Variants in EPB41L2 observed in about 807,000 individuals in gnomAD.
EPB41L2 encodes erythrocyte membrane protein band 4.1 like 2.
Under a neutral mutation model 113.0 loss-of-function variants are expected in EPB41L2, and 43 were observed. The observed-to-expected ratio is 0.38, with a 90% CI of 0.30 to 0.49. The LOEUF is 0.49. EPB41L2 is among the 20% of genes least tolerant of loss of function. The pLI is 0.95. For missense variants in EPB41L2, 1,147 were observed against 1,223.4 expected, an observed-to-expected ratio of 0.94 and a Z score of 0.93; for synonymous variants, 442 against 436.7, an observed-to-expected ratio of 1.01 and a Z score of -0.15.
At chr6:130,892,612 G>A (rs1303694098) in intron 10 of EPB41L2, among the ~76,000 whole-genome samples, 1 of 151,422 alleles carries the variant, frequency 6.6e-6, no homozygotes, top group Non-Finnish European at 1.5e-5. Context: ...CATATTTTAT[G>A]AGTTATATTT....
intron 4 of EPB41L2, among the ~76,000 whole-genome samples, chr6:130,921,859 T>C (rs1341913218): frequency 6.6e-6 from 1 of 152,226 alleles, no homozygotes; most frequent in Non-Finnish European, 1.5e-5. Context: ...GAAAGCTATA[T>C]ACTTGAAAAT....
intron 7 of EPB41L2, 77 bp from the exon 8 acceptor site, chr6:130,899,655 G>C: frequency 7.3e-7 from 1 of 1,376,884 alleles, no homozygotes. Context: ...GAGTGTCTGT[G>C]CTCAGAGGGT....
intron 16 of EPB41L2, 93 bp downstream of exon 16, chr6:130,867,366 C>A: frequency 6.6e-7 from 1 of 1,509,700 alleles, no homozygotes; most frequent in Admixed American, 2.2e-5. Flanking sequence ...ACATCAAAGC[C>A]AGAAACATGT....
Position 130,885,145 on chromosome 6 carries a change from T to A in EPB41L2, c.1784A>T (p.Glu595Val). The change falls in exon 12 of 20, where the codon GAA (glutamate) becomes GTA (valine). Residue 595 changes from glutamate to valine, a missense_variant. By Grantham distance (121) the Glu-to-Val change is moderately radical. Coordinates refer to ENST00000337057, the MANE Select transcript of EPB41L2 (RefSeq NM_001431.4). ...TGGGGCTTTAGTTGGGCTTCTCACT[T>A]CCCTCCTGCCGTCCCCATCTTGTAC... ...AVVQDGDGRREVRSPTKAPHL... is the reference protein window; with the variant it reads ...AVVQDGDGRRVVRSPTKAPHL... 6.2e-7 allele frequency: 1 copy of A among 1,614,108 alleles called. No homozygotes were observed. The highest frequency in any genetic ancestry group is 8.5e-7 in the Non-Finnish European group (1 of 1,179,996).
intron 19 of EPB41L2, among the ~76,000 whole-genome samples, chr6:130,846,730 C>T (rs1041757920): frequency 3.3e-5 from 5 of 152,172 alleles, no homozygotes; most frequent in African/African-American, 1.2e-4. Context: ...CCTTCCTGAG[C>T]CCTGTGTCCT....
chr6:130,975,096 T>C (rs946339054), intron 1 of EPB41L2, among the ~76,000 whole-genome samples: 2 of 152,210 alleles, frequency 1.3e-5, no homozygotes, highest in African/African-American at 4.8e-5. Flanking sequence ...ACGTCCAGTG[T>C]CATTTACTTA....
At chr6:131,020,922 T>C (rs1418625542) in intron 1 of EPB41L2, among the ~76,000 whole-genome samples, 1 of 152,202 alleles carries the variant, frequency 6.6e-6, no homozygotes, top group Non-Finnish European at 1.5e-5. Flanking sequence ...CCCAAGGAGC[T>C]GGAACTACAG....
intron 1 of EPB41L2, among the ~76,000 whole-genome samples, chr6:130,973,038 G>C (rs1258656902): frequency 6.6e-6 from 1 of 151,858 alleles, no homozygotes; most frequent in Non-Finnish European, 1.5e-5. Flanking sequence ...CTTGAACCCG[G>C]GAGGCGGAGG....
chr6:130,918,556 CA>C (rs1801850871), intron 4 of EPB41L2, among the ~76,000 whole-genome samples: 1 of 152,110 alleles, frequency 6.6e-6, no homozygotes, highest in African/African-American at 2.4e-5. Flanking sequence ...TTTATATAAG[CA>C]CTCTCAATAG....
intron 1 of EPB41L2, among the ~76,000 whole-genome samples, chr6:131,034,117 A>T (rs1792809799): frequency 3.9e-5 from 6 of 152,216 alleles, no homozygotes; most frequent in Admixed American, 3.9e-4. Context: ...TCAGCATGCC[A>T]GTTTCTGAAC....
intron 14 of EPB41L2, 98 bp downstream of exon 14, chr6:130,878,006 C>T (rs1441447616): frequency 1.6e-6 from 2 of 1,215,050 alleles, no homozygotes; most frequent in Admixed American, 3.0e-5. Flanking sequence ...TAAATGGGAA[C>T]ATTTTGTAAC....
chr6:130,872,279 G>C (rs1036370358), intron 14 of EPB41L2: 5 of 979,872 alleles, frequency 5.1e-6, no homozygotes, highest in Non-Finnish European at 6.5e-6. Context: ...ACCAATGAAA[G>C]CACTGGAGGG....
chr6:130,954,668 T>C (rs1251492578), intron 3 of EPB41L2, among the ~76,000 whole-genome samples: 3 of 152,220 alleles, frequency 2.0e-5, no homozygotes, highest in Admixed American at 2.0e-4. Flanking sequence ...ACTGTATGTT[T>C]TGCAAATCAT....
intron 4 of EPB41L2, among the ~76,000 whole-genome samples, chr6:130,912,169 C>T (rs922963954): frequency 3.3e-5 from 5 of 152,178 alleles, no homozygotes; most frequent in Admixed American, 6.5e-5. Context: ...CCCTCACCCC[C>T]ACCCCGGTAT....
intron 3 of EPB41L2, among the ~76,000 whole-genome samples, chr6:130,932,808 T>G (rs1227667487): frequency 6.6e-6 from 1 of 152,256 alleles, no homozygotes; most frequent in Admixed American, 6.5e-5. Context: ...TAGCTGCTGA[T>G]GGAACGGCTC....
intron 14 of EPB41L2, among the ~76,000 whole-genome samples, chr6:130,873,391 T>C (rs138738848): frequency 2.6e-4 from 40 of 152,060 alleles, no homozygotes; most frequent in African/African-American, 8.9e-4. Flanking sequence ...GAAATGTCAA[T>C]ATTCAAGAGT....
intron 1 of EPB41L2, among the ~76,000 whole-genome samples, chr6:130,980,676 C>A (rs1779204843): frequency 1.3e-5 from 2 of 152,146 alleles, no homozygotes. Context: ...GCAGACCATA[C>A]CACACCAGAA....
intron 1 of EPB41L2, among the ~76,000 whole-genome samples, chr6:130,981,970 TTA>T (rs1779476974): frequency 6.6e-6 from 1 of 152,106 alleles, no homozygotes; most frequent in African/African-American, 2.4e-5. Flanking sequence ...TATAACAGAA[TTA>T]TGTTTTCAAA....
In EPB41L2 at chr6:130,890,364, G is replaced by A. The variant is rs575005810; in HGVS notation, c.1590C>T (p.Thr530=). Residue 530 remains threonine, a synonymous_variant, in exon 11 of 20, where the codon ACC becomes ACT. Transcript: ENST00000337057. ...RTQAQTRQAS[T]LIDRPAPHFE... ...AGTGTGGTGCTGGCCTATCTATGAG[G>A]GTGCTGGCCTGGCGGGTCTGTGCTT... The A allele has an allele frequency of 5.1e-5, 82 of 1,613,822 alleles. No homozygotes were observed. In the East Asian group the frequency reaches 6.0e-4, roughly 12 times the overall value.
Sources: gnomAD v4.1 joint callset for allele counts (sites outside exome capture counted in the v4.1 genomes callset) on GRCh38, gnomAD v4.1.1 for gene constraint, MANE v1.5 for transcripts, NCBI Gene and HGNC (gene_info 2026-07-23, HGNC 2026-07-21) for gene names.